FBN2: variants seen among roughly 807,000 people sequenced by gnomAD.
FBN2 encodes the protein fibrillin 2, also known as fibrillin-2.
In FBN2, 105 loss-of-function variants were observed where a neutral mutation model predicts 355.6. That is an observed-to-expected ratio of 0.30 (90% CI 0.25 to 0.35). FBN2 has a LOEUF of 0.35. Ranked by LOEUF, FBN2 falls within the 10% of genes least tolerant of loss-of-function variation. FBN2 has a pLI of 1.00. For synonymous variants in FBN2, 1,350 were observed against 1,301.2 expected (o/e 1.04, Z -0.81); for missense variants, 3,280 against 3,758.7 (o/e 0.87, Z 3.33).
intron 5 of FBN2, among the ~76,000 whole-genome samples, chr5:128,518,886 G>A (rs989795779): frequency 1.3e-5 from 2 of 152,098 alleles, no homozygotes; most frequent in Non-Finnish European, 2.9e-5. Flanking sequence ...TTATTGCTTA[G>A]GACAATTTAT....
At chr5:128,368,290 C>G (rs573864815) in intron 16 of FBN2, among the ~76,000 whole-genome samples, 39 of 151,798 alleles carry the variant, frequency 2.6e-4, no homozygotes, top group African/African-American at 8.9e-4. Context: ...TTTAGTTAAA[C>G]TATGAACAGA....
At chr5:128,489,009 T>C (rs1397434636) in intron 5 of FBN2, among the ~76,000 whole-genome samples, 2 of 152,160 alleles carry the variant, frequency 1.3e-5, no homozygotes, top group South Asian at 2.1e-4. Flanking sequence ...CCTTTGGGTA[T>C]ATACCCAGTA....
chr5:128,262,021 A>G (rs1764988770), intron 63 of FBN2, 114 bp from the exon 64 acceptor site: 1 of 828,246 alleles, frequency 1.2e-6, no homozygotes. Context: ...CACTAAACTC[A>G]TAAACATAAA....
chr5:128,512,338 C>T (rs1756152753), intron 5 of FBN2, among the ~76,000 whole-genome samples: 1 of 151,892 alleles, frequency 6.6e-6, no homozygotes, highest in African/African-American at 2.4e-5. Context: ...GTGGCAAAAC[C>T]CCATCTCTAT....
intron 7 of FBN2, among the ~76,000 whole-genome samples, chr5:128,425,711 T>C (rs1051740438): frequency 6.6e-6 from 1 of 152,188 alleles, no homozygotes; most frequent in Non-Finnish European, 1.5e-5. Flanking sequence ...CATTCCACTA[T>C]AGAATTATCA....
intron 4 of FBN2, among the ~76,000 whole-genome samples, chr5:128,524,467 A>G (rs189837060): frequency 6.6e-6 from 1 of 152,328 alleles, no homozygotes; most frequent in African/African-American, 2.4e-5. Flanking sequence ...TATTCACAGT[A>G]GTTACTCAAT....
chr5:128,453,135 T>G (rs1313303159), intron 6 of FBN2, among the ~76,000 whole-genome samples: 2 of 152,134 alleles, frequency 1.3e-5, no homozygotes, highest in Non-Finnish European at 2.9e-5. Context: ...TACACAAAAT[T>G]CAAATGTTAA....
chr5:128,328,318 T>C (rs1396419950), intron 34 of FBN2: 5 of 451,808 alleles, frequency 1.1e-5, no homozygotes, highest in Non-Finnish European at 4.0e-6. Context: ...AAATGAGCTT[T>C]TTATGATTTT....
intron 5 of FBN2, among the ~76,000 whole-genome samples, chr5:128,486,652 T>C (rs1006707232): frequency 4.6e-5 from 7 of 152,148 alleles, no homozygotes; most frequent in African/African-American, 1.4e-4. Context: ...CTTTCAGTTC[T>C]AGGGTACATG....
intron 7 of FBN2, among the ~76,000 whole-genome samples, chr5:128,415,934 G>C (rs893476801): frequency 2.0e-5 from 3 of 151,596 alleles, no homozygotes; most frequent in Non-Finnish European, 4.4e-5. Flanking sequence ...ATTTTGATTT[G>C]CATGTCTCTC....
At chr5:128,390,422 T>C (rs1752481596) in intron 11 of FBN2, among the ~76,000 whole-genome samples, 1 of 152,110 alleles carries the variant, frequency 6.6e-6, no homozygotes, top group Non-Finnish European at 1.5e-5. Flanking sequence ...ACAAGAGCAA[T>C]GATAGTTGCT....
Position 128,411,919 on chromosome 5 carries a change from A to G in FBN2, c.953-3120T>C, listed in dbSNP as rs374510701. On this transcript the variant is annotated intron_variant, in intron 7 of 64. Coordinates refer to ENST00000262464, the MANE Select transcript of FBN2 (RefSeq NM_001999.4). ...TTGAATATTAGTTCTTCAATACTGT[A>G]TGTCATAATCAGATTTGGAAGTATT... Among the ~76,000 whole-genome samples, 6 of 152,218 alleles carry G rather than the reference A, an allele frequency of 3.9e-5. No homozygotes were observed. The East Asian group carries it at 5.8e-4, about 15-fold the overall frequency.
rs115533178 is a variant in FBN2 at position 128,291,156 on chromosome 5, T to G, written c.6293-272A>C. Among the ~76,000 whole-genome samples the G allele has an allele frequency of 0.013, 1,983 of 152,314 alleles. 48 individuals carry two copies. The highest frequency in any genetic ancestry group is 0.045 in the African/African-American group (1,890 of 41,552). On this transcript the variant is annotated intron_variant, in intron 49 of 64. Transcript: ENST00000262464. ...TGATTTCCACACAGAGTCTCTTTTT[T>G]CACTGTTGCATGATAGTCTAAGAAA...
chr5:128,318,831 A>G, intron 35 of FBN2, 48 bp downstream of exon 35: 2 of 1,592,768 alleles, frequency 1.3e-6, no homozygotes, highest in Non-Finnish European at 1.7e-6. Flanking sequence ...AGCACAGAAT[A>G]CTCATTTCAA....
At chr5:128,364,551 G>C in intron 18 of FBN2, 49 bp downstream of exon 18, 1 of 1,559,658 alleles carries the variant, frequency 6.4e-7, no homozygotes, top group Non-Finnish European at 8.8e-7. Context: ...ATAATCCATG[G>C]GATTAAACTA....
chr5:128,260,580 G>A (rs889029303), intron 64 of FBN2, among the ~76,000 whole-genome samples: 2 of 152,230 alleles, frequency 1.3e-5, no homozygotes, highest in African/African-American at 2.4e-5. Flanking sequence ...GCAGAATTAT[G>A]TCCTAGTACC....
chr5:128,489,242 A>G (rs1290367724), intron 5 of FBN2, among the ~76,000 whole-genome samples: 1 of 152,226 alleles, frequency 6.6e-6, no homozygotes, highest in Non-Finnish European at 1.5e-5. Context: ...TTAGAAATGA[A>G]TATTTCTATG....
At chr5:128,399,812 T>C (rs1344146901) in intron 8 of FBN2, among the ~76,000 whole-genome samples, 1 of 151,888 alleles carries the variant, frequency 6.6e-6, no homozygotes, top group African/African-American at 2.4e-5. Flanking sequence ...ATAAAGTACA[T>C]AACTTCTTAA....
intron 7 of FBN2, among the ~76,000 whole-genome samples, chr5:128,436,677 A>G (rs1190890168): frequency 6.6e-6 from 1 of 151,398 alleles, no homozygotes; most frequent in Admixed American, 6.6e-5. Flanking sequence ...AAAAAAAAAA[A>G]AAAAGAAAAA....
Sources: gnomAD v4.1 joint callset for allele counts (sites outside exome capture counted in the v4.1 genomes callset) on GRCh38, gnomAD v4.1.1 for gene constraint, MANE v1.5 for transcripts, NCBI Gene and HGNC (gene_info 2026-07-23, HGNC 2026-07-21) for gene names.